The following SRSF6 variants were observed in gnomAD, a reference collection of about 807,000 sequenced individuals.
SRSF6 encodes serine and arginine rich splicing factor 6.
SRSF6 carries 17 observed loss-of-function variants against 42.0 expected under a neutral mutation model. That is an observed-to-expected ratio of 0.40 (90% CI 0.28 to 0.61). The LOEUF is 0.61. SRSF6 is among the 20% of genes least tolerant of loss of function. SRSF6 has a pLI of 0.37. For missense variants in SRSF6, 379 were observed against 471.4 expected (o/e 0.80, Z 1.81); for synonymous variants, 204 against 166.7 (o/e 1.22, Z -1.72).
rs1486548897 is a variant in SRSF6, at chr20:43,461,339, T to G, written c.*276T>G. 7.7e-4 allele frequency: 14 copies of G among 18,156 alleles called. 1 individual carries two copies. The highest frequency in any genetic ancestry group is 2.4e-3 in the South Asian group (2 of 834). The allele number at this position is 18,156 out of a possible 1,614,324, so 1.1% of individuals were successfully genotyped here. A position where few individuals can be genotyped will look rare whatever the true frequency, so the allele number is the denominator to read the frequency against. ...AAAGATTAAGCTCATTTAGTGTTGT[T>G]TTTTTTTTTTTTTTTTTTTTTTTTT... On this transcript the variant is annotated 3_prime_UTR_variant, in exon 6 of 6. Coordinates refer to ENST00000244020, the MANE Select transcript of SRSF6 (RefSeq NM_006275.6).
At chr20:43,458,205 G>A (rs2017529418) in intron 1 of SRSF6, 65 bp downstream of exon 1, 3 of 1,543,788 alleles carry the variant, frequency 1.9e-6, no homozygotes, top group Non-Finnish European at 2.6e-6. Flanking sequence ...ACTCTCCAAG[G>A]AAAGAAGCGG....
rs372990269 is a variant in SRSF6 at position 43,460,686 on chromosome 20, G to A, written c.675-17G>A. On this transcript the variant is annotated splice_polypyrimidine_tract_variant and intron_variant, in intron 5 of 5. Coordinates refer to ENST00000244020, the MANE Select transcript of SRSF6 (RefSeq NM_006275.6). ...ATTCTCACTAAGTATTGAGAAAATC[G>A]GTCTTTCCTTGTCCAGTTCCAGGTC... 20 of 1,611,888 alleles carry A rather than the reference G, an allele frequency of 1.2e-5. No individual in the cohort carries two copies. Among genetic ancestry groups the A allele is most frequent in the Middle Eastern group, 1.6e-4 (1 of 6,080 alleles).
At position 43,462,678 on chromosome 20, in the gene SRSF6, A is replaced by G. The variant is rs1037241172; in HGVS notation, c.*1615A>G. ...CTAGGGCATTCACAGAGTAGCTGTGAGTTCTTGGTAATGTGAAAAAGGCCT... is the reference window on the plus strand; with the variant it reads ...CTAGGGCATTCACAGAGTAGCTGTGGGTTCTTGGTAATGTGAAAAAGGCCT... On this transcript the variant is annotated 3_prime_UTR_variant, in exon 6 of 6. Coordinates refer to ENST00000244020, the MANE Select transcript of SRSF6 (RefSeq NM_006275.6). 48 of 152,218 alleles carry G rather than the reference A, an allele frequency of 3.2e-4. No individual in the cohort carries two copies. Among genetic ancestry groups the G allele is most frequent in the African/African-American group, 1.1e-3 (46 of 41,454 alleles). 9.4% of individuals were successfully genotyped at this position (152,218 alleles called of 1,614,324 possible).
rs569983643 is a variant in SRSF6 at position 43,460,562 on chromosome 20, G to T, written c.638G>T (p.Arg213Leu). Residue 213 changes from arginine to leucine, a missense_variant, in exon 5 of 6, where the codon CGC becomes CTC. Arg to Leu is a moderately radical substitution (Grantham distance 102, BLOSUM62 -2). Transcript: ENST00000244020. ...CGAAGTAGGAGTCGCAGGAGCAGCC[G>T]CAGTAGATCTCGAAGTATCTCAAAA... ...RSRSRSRRSSRSRSRSISKSR... is the reference protein window; with the variant it reads ...RSRSRSRRSSLSRSRSISKSR... 1 of 1,614,036 alleles carries T rather than the reference G, an allele frequency of 6.2e-7. No individual in the cohort carries two copies. Among genetic ancestry groups the T allele is most frequent in the Non-Finnish European group, 8.5e-7 (1 of 1,180,036 alleles).
intron 4 of SRSF6, 106 bp from the exon 5 acceptor site, chr20:43,460,409 C>CACTATTTAAAAACA: frequency 7.2e-7 from 1 of 1,382,378 alleles, no homozygotes. Flanking sequence ...TATTTAATTT[C>CACTATTTAAAAACA]GTAGTAAAGA....
At chr20:43,459,098 T>C (rs1183829802) in intron 2 of SRSF6, 1 of 1,340,292 alleles carries the variant, frequency 7.5e-7, no homozygotes, top group African/African-American at 1.5e-5. Context: ...ATGTTTAAAT[T>C]GTTGCATGTT....
chr20:43,460,269 G>T (rs2017562756), intron 4 of SRSF6, 28 bp downstream of exon 4: 1 of 1,608,592 alleles, frequency 6.2e-7, no homozygotes, highest in African/African-American at 1.3e-5. Context: ...ACTGTGGGAA[G>T]GAAACAATAT....
rs2017596064 is a variant in SRSF6, at chr20:43,461,374, T to TAGTATTTC, written c.*314_*321dup. The TAGTATTTC allele has an allele frequency of 6.0e-6, 1 of 167,232 alleles. No individual in the cohort carries two copies. Among genetic ancestry groups the TAGTATTTC allele is most frequent in the African/African-American group, 3.3e-5 (1 of 30,058 alleles). The allele number at this position is 167,232 out of a possible 1,614,324, so 10.4% of individuals were successfully genotyped here. Reference sequence around the variant, plus strand: ...TTTTTTTTTTTTTTTTTTTTTTTTTTAGTATTTCAGCAGGATCTGCTGGCA... The same window carrying TAGTATTTC: ...TTTTTTTTTTTTTTTTTTTTTTTTTTAGTATTTCAGTATTTCAGCAGGATCTGCTGGCA... On this transcript the variant is annotated 3_prime_UTR_variant, in exon 6 of 6. Transcript: ENST00000244020.
At position 43,460,187 on chromosome 20, in the gene SRSF6, T is replaced by C. The variant is rs779955043; in HGVS notation, c.536T>C (p.Ile179Thr). 1.9e-6 allele frequency: 3 copies of C among 1,614,194 alleles called. No homozygotes were observed. Among genetic ancestry groups the C allele is most frequent in the Non-Finnish European group, 2.5e-6 (3 of 1,180,016 alleles). ...ATAAATGGCAGAAATATTAGGCTTATTGAAGATAAGCCACGCACAAGCCAT... is the reference window on the plus strand; with the variant it reads ...ATAAATGGCAGAAATATTAGGCTTACTGAAGATAAGCCACGCACAAGCCAT... ...TEINGRNIRL[I>T]EDKPRTSHRR... The change falls in exon 4 of 6, where the codon ATT becomes ACT. Residue 179 changes from isoleucine to threonine, a missense_variant. Physicochemically the swap from Ile to Thr is moderately conservative, Grantham distance 89. This residue lies in a region of SRSF6 where 43 missense variants were observed against 108.5 expected (regional missense o/e 0.40). Coordinates refer to ENST00000244020, the MANE Select transcript of SRSF6 (RefSeq NM_006275.6).
At position 43,457,963 on chromosome 20, in the gene SRSF6, C is replaced by T; in HGVS notation, c.-71C>T. 7.5e-7 allele frequency: 1 copy of T among 1,337,808 alleles called. No homozygotes were observed. Among genetic ancestry groups the T allele is most frequent in the Non-Finnish European group, 1.1e-6 (1 of 948,686 alleles). 82.9% of individuals were successfully genotyped at this position (1,337,808 alleles called of 1,614,324 possible). On this transcript the variant is annotated 5_prime_UTR_variant, in exon 1 of 6. Transcript: ENST00000244020. ...TGTTCGGGCTCTTGCCGTCCCCGCA[C>T]CCGCACCGCGGTTACTGGCTTGCGG...
Position 43,458,474 on chromosome 20 carries a change from G to C in SRSF6, c.221G>C (p.Arg74Pro). The C allele has an allele frequency of 6.6e-7, 1 of 1,514,696 alleles. No homozygotes were observed. 93.8% of individuals were successfully genotyped at this position (1,514,696 alleles called of 1,614,324 possible). A position where few individuals can be genotyped will look rare whatever the true frequency, so the allele number is the denominator to read the frequency against. Residue 74 changes from arginine (R) to proline (P), a missense_variant, in exon 2 of 6, where the codon CGT (arginine) becomes CCT (proline). Physicochemically the swap from Arg to Pro is moderately radical, Grantham distance 103. This residue lies in a region of SRSF6 where 117 missense variants were observed against 146.8 expected (regional missense o/e 0.80). Transcript: ENST00000244020. The stretch of plus-strand genomic sequence containing the variant: ...ATCGTAGAGCACGCCCGGGGCCCGC[G>C]TCGCGATCGCGACGGCTACAGCTAC... ...RVIVEHARGP[R>P]RDRDGYSYGS...
rs1289610973 is a variant in SRSF6 at position 43,461,577 on chromosome 20, C to T, written c.*514C>T. The T allele has an allele frequency of 6.6e-6, 1 of 152,250 alleles. No homozygotes were observed. Among genetic ancestry groups the T allele is most frequent in the Non-Finnish European group, 1.5e-5 (1 of 68,012 alleles). 9.4% of individuals were successfully genotyped at this position (152,250 alleles called of 1,614,324 possible). A position where few individuals can be genotyped will look rare whatever the true frequency, so the allele number is the denominator to read the frequency against. On this transcript the variant is annotated 3_prime_UTR_variant, in exon 6 of 6. Coordinates refer to ENST00000244020, the MANE Select transcript of SRSF6 (RefSeq NM_006275.6). The stretch of plus-strand genomic sequence containing the variant: ...GATGATTGCCTTATTGAATAGGTCA[C>T]TATTAAATTCCTTTAAATGTTGATA...
chr20:43,460,295 G>T (rs2017563257), intron 4 of SRSF6, 54 bp downstream of exon 4: 2 of 1,569,702 alleles, frequency 1.3e-6, no homozygotes, highest in Admixed American at 1.7e-5. Flanking sequence ...AATAAAAAGG[G>T]AGTAATTGAG....
rs1196378267 is a variant in SRSF6 at position 43,461,334 on chromosome 20, G to GTTTTTTTTTTTT, written c.*273_*274insTTTTTTTTTTTT. Reference sequence around the variant, plus strand: ...TTTGTAAAGATTAAGCTCATTTAGTGTTGTTTTTTTTTTTTTTTTTTTTTT... The same window carrying GTTTTTTTTTTTT: ...TTTGTAAAGATTAAGCTCATTTAGTGTTTTTTTTTTTTTTGTTTTTTTTTTTTTTTTTTTTTT... On this transcript the variant is annotated 3_prime_UTR_variant, in exon 6 of 6. Transcript: ENST00000244020. The GTTTTTTTTTTTT allele has an allele frequency of 8.9e-4, 50 of 56,468 alleles. 6 individuals are homozygous for GTTTTTTTTTTTT. Among genetic ancestry groups the GTTTTTTTTTTTT allele is most frequent in the African/African-American group, 3.2e-3 (43 of 13,568 alleles). 3.5% of individuals were successfully genotyped at this position (56,468 alleles called of 1,614,324 possible).
In SRSF6 at chr20:43,459,886, A is replaced by G. The variant is rs1417626578; in HGVS notation, c.372A>G (p.Gln124=). ...ATCTTTCTAGTCGGTGCAGTTGGCA[A>G]GATTTAAAGGTATGTTTTGTAATTC... ...VENLSSRCSW[Q]DLKDFMRQAG... The change falls in exon 3 of 6, where the codon CAA becomes CAG. Residue 124 remains glutamine (Q), a synonymous_variant. Coordinates refer to ENST00000244020, the MANE Select transcript of SRSF6 (RefSeq NM_006275.6). The G allele has an allele frequency of 1.9e-6, 3 of 1,607,516 alleles. No homozygotes were observed. The highest frequency in any genetic ancestry group is 2.5e-6 in the Non-Finnish European group (3 of 1,177,288).
Position 43,459,870 on chromosome 20 carries a change from G to A in SRSF6, c.356G>A (p.Ser119Asn). 6.2e-7 allele frequency: 1 copy of A among 1,609,994 alleles called. No individual in the cohort carries two copies. Among genetic ancestry groups the A allele is most frequent in the Non-Finnish European group, 8.5e-7 (1 of 1,178,516 alleles). Residue 119 changes from serine (S) to asparagine (N), a missense_variant, in exon 3 of 6, where the codon AGT becomes AAT. This residue lies in a region of SRSF6 where 43 missense variants were observed against 108.5 expected (regional missense o/e 0.40). Transcript: ENST00000244020. ...EYRLIVENLS[S>N]RCSWQDLKDF... The stretch of plus-strand genomic sequence containing the variant: ...AGGCTTATTGTAGAAAATCTTTCTA[G>A]TCGGTGCAGTTGGCAAGATTTAAAG...
intron 2 of SRSF6, chr20:43,459,129 G>A (rs2017546751): frequency 7.4e-7 from 1 of 1,351,532 alleles, no homozygotes; most frequent in Non-Finnish European, 9.8e-7. Context: ...TTTTTAACAA[G>A]TCCTTGATGT....
rs375423379 is a variant in SRSF6 at position 43,460,604 on chromosome 20, T to C, written c.674+6T>C. 2 of 1,613,990 alleles carry C rather than the reference T, an allele frequency of 1.2e-6. No individual in the cohort carries two copies. Among genetic ancestry groups the C allele is most frequent in the African/African-American group, 1.3e-5 (1 of 74,908 alleles). Reference sequence around the variant, plus strand: ...ATCTCAAAAAGTCGCTCCCGGTAAATAACGTTGTGTTGAGTCACTGTGAAT... The same window carrying C: ...ATCTCAAAAAGTCGCTCCCGGTAAACAACGTTGTGTTGAGTCACTGTGAAT... On this transcript the variant is annotated splice_donor_region_variant and intron_variant, in intron 5 of 5. Coordinates refer to ENST00000244020, the MANE Select transcript of SRSF6 (RefSeq NM_006275.6).
intron 1 of SRSF6, 67 bp downstream of exon 1, chr20:43,458,207 A>G: frequency 6.5e-7 from 1 of 1,540,752 alleles, no homozygotes; most frequent in Non-Finnish European, 8.8e-7. Context: ...TCTCCAAGGA[A>G]AGAAGCGGCC....
Sources: allele counts gnomAD v4.1 joint callset, GRCh38; gene constraint gnomAD v4.1.1; regional missense constraint gnomAD v4.1.1; transcripts MANE v1.5; gene names NCBI Gene and HGNC (gene_info 2026-07-23, HGNC 2026-07-21).